RAD51B: variants seen among roughly 807,000 people sequenced by gnomAD.
RAD51B encodes DNA repair protein RAD51 homolog 2.
In RAD51B, 38 loss-of-function variants were observed where a neutral mutation model predicts 42.2. The ratio of observed to expected loss-of-function variants is 0.90; its 90% CI spans 0.70 to 1.18. The LOEUF (loss-of-function observed/expected upper bound fraction) is 1.18, where lower values mean the gene tolerates loss of function less well. RAD51B is among the 50% of genes most tolerant of loss of function. The pLI is 0.00. For synonymous variants in RAD51B, 154 were observed against 145.2 expected, an observed-to-expected ratio of 1.06 and a Z score of -0.43; for missense variants, 373 against 400.7, an observed-to-expected ratio of 0.93 and a Z score of 0.59.
In RAD51B at chr14:68,322,498, C is replaced by A. The variant is rs78930987; in HGVS notation, c.853+30518C>A. 2.7e-4 allele frequency among the ~76,000 whole-genome samples: 41 copies of A among 152,280 alleles called. No homozygotes were observed. In the Middle Eastern group the frequency reaches 0.024, roughly 88 times the overall value. On this transcript the variant is annotated intron_variant, in intron 8 of 10. Transcript: ENST00000471583. ...TAATACTAGGTTTTTATTTAAAAAG[C>A]CTTTCTCTCATTCATAAGCTTCTTT... is the stretch of plus-strand genomic sequence containing the variant.
At chr14:68,158,788 C>T (rs1330235781) in intron 7 of RAD51B, among the ~76,000 whole-genome samples, 1 of 152,134 alleles carries the variant, frequency 6.6e-6, no homozygotes, top group Non-Finnish European at 1.5e-5. Context: ...TTTCCTTTTC[C>T]TTTAATTTCT....
intron 10 of RAD51B, among the ~76,000 whole-genome samples, chr14:68,553,672 G>T (rs2140388225): frequency 7.2e-6 from 1 of 138,426 alleles, no homozygotes; most frequent in East Asian, 2.4e-4. Context: ...CAGATGTGCA[G>T]CTCTCTCCAG....
rs568860463 is a variant in RAD51B at position 68,160,706 on chromosome 14, A to AG, written c.757-131177dup. On this transcript the variant is annotated intron_variant, in intron 7 of 10. Coordinates refer to ENST00000471583, the MANE Select transcript of RAD51B (RefSeq NM_133510.4). ...GTGGGTGCCTTGCTTGATTCACCCT[A>AG]GTCCCAATCCTATTATTTTTGCTTT... 1.7e-4 allele frequency among the ~76,000 whole-genome samples: 26 copies of AG among 152,304 alleles called. No homozygotes were observed. In the East Asian group the frequency reaches 4.6e-3, roughly 27 times the overall value.
intron 7 of RAD51B, among the ~76,000 whole-genome samples, chr14:68,204,307 T>G (rs1476615763): frequency 6.6e-6 from 1 of 151,636 alleles, no homozygotes; most frequent in African/African-American, 2.4e-5. Context: ...GCCCAAGGAG[T>G]GGGAAAAAGA....
At chr14:68,351,479 G>A (rs2082787641) in intron 8 of RAD51B, among the ~76,000 whole-genome samples, 1 of 152,160 alleles carries the variant, frequency 6.6e-6, no homozygotes, top group African/African-American at 2.4e-5. Flanking sequence ...ACAGTCTAGA[G>A]GAGGAACAAC....
intron 10 of RAD51B, among the ~76,000 whole-genome samples, chr14:68,610,516 G>A (rs962930318): frequency 3.9e-5 from 6 of 152,072 alleles, no homozygotes; most frequent in African/African-American, 7.2e-5. Flanking sequence ...CTGTCCTCCC[G>A]TACAACCTCA....
At chr14:68,274,491 C>A (rs2081182572) in intron 7 of RAD51B, among the ~76,000 whole-genome samples, 1 of 152,170 alleles carries the variant, frequency 6.6e-6, no homozygotes, top group Non-Finnish European at 1.5e-5. Flanking sequence ...TCATCCAATA[C>A]CCAGCCCAAA....
At chr14:68,022,096 C>T (rs1232042176) in intron 7 of RAD51B, among the ~76,000 whole-genome samples, 2 of 152,198 alleles carry the variant, frequency 1.3e-5, no homozygotes, top group African/African-American at 4.8e-5. Flanking sequence ...CCTCCCACCC[C>T]TAGTAGTCCA....
At position 67,864,059 on chromosome 14, in the gene RAD51B, GA is replaced by G. The variant is rs768904725; in HGVS notation, c.316-941del. ...GCAGAACAGGAGAGAGAGAGAGAGAGAAAGAGAAAGTGCCACACACATTTAA... is the reference window on the plus strand; with the variant it reads ...GCAGAACAGGAGAGAGAGAGAGAGAGAAGAGAAAGTGCCACACACATTTAA... On this transcript the variant is annotated intron_variant, in intron 4 of 10. Coordinates refer to ENST00000471583, the MANE Select transcript of RAD51B (RefSeq NM_133510.4). Among the ~76,000 whole-genome samples the G allele has an allele frequency of 1.3e-3, 200 of 151,974 alleles. 1 individual carries two copies. Among genetic ancestry groups the G allele is most frequent in the Non-Finnish European group, 2.4e-3 (164 of 67,930 alleles).
intron 7 of RAD51B, among the ~76,000 whole-genome samples, chr14:68,154,001 T>C (rs2078446863): frequency 6.6e-6 from 1 of 152,196 alleles, no homozygotes; most frequent in Non-Finnish European, 1.5e-5. Flanking sequence ...TTAATCGTCT[T>C]CTTATTTTAA....
At chr14:68,312,043 A>T (rs2081976065) in intron 8 of RAD51B, among the ~76,000 whole-genome samples, 1 of 152,254 alleles carries the variant, frequency 6.6e-6, no homozygotes, top group South Asian at 2.1e-4. Context: ...TTTCAGGGAT[A>T]ACTGAGTGTT....
At chr14:68,199,924 G>C (rs1183635510) in intron 7 of RAD51B, among the ~76,000 whole-genome samples, 1 of 152,308 alleles carries the variant, frequency 6.6e-6, no homozygotes, top group African/African-American at 2.4e-5. Flanking sequence ...CCAGCAACCC[G>C]CCAATCTCTT....
intron 7 of RAD51B, among the ~76,000 whole-genome samples, chr14:67,966,143 A>G (rs899435174): frequency 6.6e-6 from 1 of 152,112 alleles, no homozygotes. Flanking sequence ...AAAACTCATT[A>G]CCCTTATCTA....
At chr14:68,018,885 T>A (rs2075819710) in intron 7 of RAD51B, among the ~76,000 whole-genome samples, 1 of 152,208 alleles carries the variant, frequency 6.6e-6, no homozygotes, top group Admixed American at 6.5e-5. Context: ...TTCTTCCATT[T>A]ACCAGCTGTG....
intron 7 of RAD51B, among the ~76,000 whole-genome samples, chr14:68,279,782 A>T (rs1033098046): frequency 3.9e-5 from 6 of 152,170 alleles, no homozygotes; most frequent in Non-Finnish European, 8.8e-5. Context: ...TAAACTAAAG[A>T]CCTTTAGTTT....
At chr14:68,095,616 A>G (rs990268730) in intron 7 of RAD51B, among the ~76,000 whole-genome samples, 2 of 152,062 alleles carry the variant, frequency 1.3e-5, no homozygotes, top group Admixed American at 6.6e-5. Flanking sequence ...CACATACCCA[A>G]TACCATAGTA....
chr14:68,021,820 C>G (rs116533183), intron 7 of RAD51B, among the ~76,000 whole-genome samples: 1 of 152,154 alleles, frequency 6.6e-6, no homozygotes, highest in Non-Finnish European at 1.5e-5. Context: ...AATGTACAAG[C>G]CTTATTTTAA....
intron 10 of RAD51B, among the ~76,000 whole-genome samples, chr14:68,569,916 G>A (rs1023158482): frequency 6.6e-6 from 1 of 152,238 alleles, no homozygotes; most frequent in Non-Finnish European, 1.5e-5. Flanking sequence ...CGGGGCACAA[G>A]CCTTTGCTCA....
chr14:67,881,639 TG>T (rs2042910220), intron 5 of RAD51B, among the ~76,000 whole-genome samples: 1 of 152,248 alleles, frequency 6.6e-6, no homozygotes, highest in South Asian at 2.1e-4. Context: ...AAACTGCCTC[TG>T]GAGCAAACTG....
Sources: gnomAD v4.1 joint callset for allele counts (sites outside exome capture counted in the v4.1 genomes callset) on GRCh38, gnomAD v4.1.1 for gene constraint, MANE v1.5 for transcripts, NCBI Gene and HGNC (gene_info 2026-07-23, HGNC 2026-07-21) for gene names.